The following PGM2L1 variants were observed in gnomAD, a reference collection of about 807,000 sequenced individuals.
PGM2L1 encodes glucose 1,6-bisphosphate synthase.
A neutral mutation model predicts 73.4 loss-of-function variants in PGM2L1; 35 were observed. That is an observed-to-expected ratio of 0.48 (90% CI 0.36 to 0.63). PGM2L1 has a LOEUF of 0.63. Among genes scored for constraint, PGM2L1 ranks in the 30% least tolerant of loss-of-function variants. The probability of loss-of-function intolerance (pLI) is 0.00; values close to 1 mark genes in which losing one functional copy is unlikely to be tolerated. For synonymous variants in PGM2L1, 225 were observed against 253.8 expected (o/e 0.89, Z 1.08); for missense variants, 570 against 742.0 (o/e 0.77, Z 2.69).
chr11:74,347,201 G>A lies in PGM2L1; in HGVS notation c.886C>T (p.Pro296Ser), dbSNP rs1423081282. 6.2e-7 allele frequency: 1 copy of A among 1,610,230 alleles called. No individual in the cohort carries two copies. The highest frequency in any genetic ancestry group is 2.2e-5 in the East Asian group (1 of 44,666). The stretch of plus-strand genomic sequence containing the variant: ...GGACATTTAACGGTAGAAAAGTCTG[G>A]ATCAGGATCTTTTTGTTCTGGTACT... The part of the protein sequence containing the change: ...IPVPEQKDPD[P>S]DFSTVKCPNP... The change falls in exon 7 of 14, where the codon CCA becomes TCA. Residue 296 changes from proline (P) to serine (S), a missense_variant. Transcript: ENST00000298198.
chr11:74,364,452 A>G (rs373333295), intron 5 of PGM2L1, among the ~76,000 whole-genome samples: 1 of 152,226 alleles, frequency 6.6e-6, no homozygotes, highest in South Asian at 2.1e-4. Context: ...ACATGATTGT[A>G]TATTTAGAAA....
chr11:74,397,902 A>G (rs1056146748), intron 1 of PGM2L1, 149 bp downstream of exon 1: 90 of 1,331,118 alleles, frequency 6.8e-5, no homozygotes, highest in South Asian at 2.0e-4. Flanking sequence ...AACCCCACGC[A>G]TAGGTGGGTG....
intron 1 of PGM2L1, among the ~76,000 whole-genome samples, chr11:74,390,067 C>T (rs931508139): frequency 3.4e-5 from 5 of 146,794 alleles, no homozygotes; most frequent in Non-Finnish European, 7.5e-5. Context: ...TGCAGTGAGC[C>T]GAGATTGCGC....
chr11:74,342,797 A>T, intron 11 of PGM2L1, 88 bp downstream of exon 11: 1 of 1,422,648 alleles, frequency 7.0e-7, no homozygotes, highest in Non-Finnish European at 9.4e-7. Flanking sequence ...AAAAGGATCA[A>T]CTATTCTTCA....
At chr11:74,378,718 A>G (rs959233630) in intron 1 of PGM2L1, among the ~76,000 whole-genome samples, 4 of 152,170 alleles carry the variant, frequency 2.6e-5, no homozygotes, top group Admixed American at 6.5e-5. Context: ...TCTTTTTTCT[A>G]TATTGTAGAA....
chr11:74,345,260 A>G (rs566341992), intron 9 of PGM2L1, among the ~76,000 whole-genome samples: 1 of 152,212 alleles, frequency 6.6e-6, no homozygotes, highest in African/African-American at 2.4e-5. Context: ...AGAATATCTC[A>G]TCTTAGTCCC....
chr11:74,333,437 A>G lies in PGM2L1; in HGVS notation c.*3215T>C, dbSNP rs1175091675. The G allele has an allele frequency of 2.6e-5, 4 of 152,218 alleles. No homozygotes were observed. Among genetic ancestry groups the G allele is most frequent in the African/African-American group, 9.6e-5 (4 of 41,464 alleles). 9.4% of individuals were successfully genotyped at this position (152,218 alleles called of 1,614,324 possible). A position where few individuals can be genotyped will look rare whatever the true frequency, so the allele number is the denominator to read the frequency against. ...GCTTTCTCCTCTCCAGAGTCAAACA[A>G]TCTTTATTCCTTGAACTTTTTCTCA... On this transcript the variant is annotated 3_prime_UTR_variant, in exon 14 of 14. Transcript: ENST00000298198.
intron 1 of PGM2L1, among the ~76,000 whole-genome samples, chr11:74,375,443 T>C (rs1189809860): frequency 6.6e-6 from 1 of 152,212 alleles, no homozygotes; most frequent in Non-Finnish European, 1.5e-5. Context: ...ATATTTTCTT[T>C]TTGGAAAAGT....
intron 13 of PGM2L1, among the ~76,000 whole-genome samples, chr11:74,338,070 A>C (rs1422778090): frequency 6.6e-6 from 1 of 152,246 alleles, no homozygotes; most frequent in Non-Finnish European, 1.5e-5. Context: ...GGGCCATAAA[A>C]AACAAAACTT....
At chr11:74,376,511 A>G (rs891455416) in intron 1 of PGM2L1, among the ~76,000 whole-genome samples, 1 of 150,914 alleles carries the variant, frequency 6.6e-6, no homozygotes, top group South Asian at 2.1e-4. Context: ...ATATGTGTGT[A>G]TATATACAGT....
At chr11:74,393,099 C>T (rs150867181) in intron 1 of PGM2L1, among the ~76,000 whole-genome samples, 1 of 152,242 alleles carries the variant, frequency 6.6e-6, no homozygotes, top group East Asian at 1.9e-4. Flanking sequence ...CTATGAATAG[C>T]AAATGAGACT....
At chr11:74,370,336 G>A (rs1862733434) in intron 4 of PGM2L1, among the ~76,000 whole-genome samples, 2 of 152,152 alleles carry the variant, frequency 1.3e-5, no homozygotes, top group South Asian at 4.1e-4. Context: ...AGGACTGTCT[G>A]TCATTGCTAA....
At position 74,334,439 on chromosome 11, in the gene PGM2L1, T is replaced by G. The variant is rs1196466014; in HGVS notation, c.*2213A>C. Reference sequence around the variant, plus strand: ...TATAAAACAAAAGATGTTTTACACATTTTAAAAATAAAACAAAAATTCTAC... The same window carrying G: ...TATAAAACAAAAGATGTTTTACACAGTTTAAAAATAAAACAAAAATTCTAC... On this transcript the variant is annotated 3_prime_UTR_variant, in exon 14 of 14. Coordinates refer to ENST00000298198, the MANE Select transcript of PGM2L1 (RefSeq NM_173582.6). The G allele has an allele frequency of 6.6e-6, 1 of 152,230 alleles. No homozygotes were observed. The highest frequency in any genetic ancestry group is 2.4e-5 in the African/African-American group (1 of 41,462). 9.4% of individuals were successfully genotyped at this position (152,230 alleles called of 1,614,324 possible).
At chr11:74,374,064 A>AC (rs1862816639) in intron 2 of PGM2L1, among the ~76,000 whole-genome samples, 1 of 149,228 alleles carries the variant, frequency 6.7e-6, no homozygotes, top group African/African-American at 2.4e-5. Flanking sequence ...AAAAAAAAAA[A>AC]AAAAAAAACC....
chr11:74,356,022 T>A (rs1862448634), intron 5 of PGM2L1, among the ~76,000 whole-genome samples: 1 of 152,166 alleles, frequency 6.6e-6, no homozygotes, highest in South Asian at 2.1e-4. Flanking sequence ...TTGCTAAATG[T>A]AATAGTCTGA....
At chr11:74,341,808 G>C (rs1565434345) in intron 12 of PGM2L1, among the ~76,000 whole-genome samples, 1 of 151,742 alleles carries the variant, frequency 6.6e-6, no homozygotes, top group Non-Finnish European at 1.5e-5. Context: ...CTATATTATA[G>C]CTTCTCCTTA....
chr11:74,371,067 A>G, intron 3 of PGM2L1, 81 bp from the exon 4 acceptor site: 1 of 1,029,102 alleles, frequency 9.7e-7, no homozygotes, highest in Non-Finnish European at 1.5e-6. Context: ...GTTTCATATT[A>G]TAATTAGTCT....
intron 1 of PGM2L1, among the ~76,000 whole-genome samples, chr11:74,375,785 C>A (rs1482232202): frequency 6.6e-6 from 1 of 152,004 alleles, no homozygotes; most frequent in African/African-American, 2.4e-5. Flanking sequence ...TATATAAAAT[C>A]CAGACTCAAG....
intron 3 of PGM2L1, 39 bp from the exon 4 acceptor site, chr11:74,371,025 A>G (rs1306162057): frequency 5.2e-6 from 8 of 1,548,366 alleles, no homozygotes; most frequent in Admixed American, 1.7e-5. Context: ...TTTGCCTACC[A>G]TACTTTTTAA....
Sources: allele counts gnomAD v4.1 joint callset (sites outside exome capture counted in the v4.1 genomes callset), GRCh38; gene constraint gnomAD v4.1.1; transcripts MANE v1.5; gene names NCBI Gene and HGNC (gene_info 2026-07-23, HGNC 2026-07-21).